Variants in WASHC2C observed in about 807,000 individuals in gnomAD.
WASHC2C encodes the protein WASH complex subunit 2C.
WASHC2C carries 73 observed loss-of-function variants against 142.2 expected under a neutral mutation model. The ratio of observed to expected loss-of-function variants is 0.51; its 90% CI spans 0.43 to 0.62. The LOEUF is 0.62. Ranked by LOEUF, WASHC2C falls within the 20% of genes least tolerant of loss-of-function variation. WASHC2C has a pLI of 0.00. For missense variants in WASHC2C, 969 were observed against 1,531.7 expected (o/e 0.63, Z 6.13); for synonymous variants, 337 against 565.5 (o/e 0.60, Z 5.73).
chr10:45,764,707 G>A (rs1256347103), intron 18 of WASHC2C, among the ~76,000 whole-genome samples: 2 of 152,222 alleles, frequency 1.3e-5, no homozygotes, highest in Non-Finnish European at 2.9e-5. Context: ...AGGAACCTGG[G>A]GCAAGTAACT....
chr10:45,762,204 T>C (rs1375072199), intron 17 of WASHC2C, among the ~76,000 whole-genome samples: 327 of 151,676 alleles, frequency 2.2e-3, no homozygotes, highest in African/African-American at 7.6e-3. Flanking sequence ...GAAAATTTCT[T>C]GATTTTTATA....
At chr10:45,771,534 C>G (rs1328039221) in intron 20 of WASHC2C, 1 of 982,726 alleles carries the variant, frequency 1.0e-6, no homozygotes, top group Non-Finnish European at 1.2e-6. Context: ...CCACTACCCC[C>G]ACCCCACACA....
chr10:45,735,880 G>T (rs1339077712), intron 3 of WASHC2C, among the ~76,000 whole-genome samples: 1 of 152,140 alleles, frequency 6.6e-6, no homozygotes, highest in Non-Finnish European at 1.5e-5. Flanking sequence ...ACGCATTTGT[G>T]CATAGAATCT....
At position 45,784,880 on chromosome 10, in the gene WASHC2C, C is replaced by T. The variant is rs782611170; in HGVS notation, c.2667C>T (p.Ser889=). The T allele has an allele frequency of 1.2e-5, 19 of 1,609,172 alleles. No individual in the cohort carries two copies. Among genetic ancestry groups the T allele is most frequent in the Non-Finnish European group, 1.6e-5 (19 of 1,178,032 alleles). ...FGDDEDDDLF[S]SAKSQPLVQE... is the part of the protein sequence containing the mutation. ...ATGATGAAGATGATGATCTTTTCAG[C>T]TCTGCCAAGTCCCAGCCTTTGGTAC... is the stretch of plus-strand genomic sequence containing the variant. The change falls in exon 25 of 31, where the codon AGC becomes AGT. Residue 889 remains serine (S), a synonymous_variant. Transcript: ENST00000623400.
intron 11 of WASHC2C, among the ~76,000 whole-genome samples, chr10:45,751,787 C>A (rs1300372591): frequency 1.3e-5 from 2 of 152,018 alleles, no homozygotes; most frequent in African/African-American, 4.8e-5. Flanking sequence ...ACCAGCCTGG[C>A]CAACATAGTG....
At chr10:45,762,271 G>A (rs1398885877) in intron 17 of WASHC2C, among the ~76,000 whole-genome samples, 4 of 152,166 alleles carry the variant, frequency 2.6e-5, no homozygotes, top group Middle Eastern at 3.2e-3. Flanking sequence ...GGAGTGCAAT[G>A]GTGGGATCTT....
At chr10:45,757,762 G>A (rs1484078392) in intron 16 of WASHC2C, among the ~76,000 whole-genome samples, 3 of 152,074 alleles carry the variant, frequency 2.0e-5, no homozygotes, top group South Asian at 2.1e-4. Context: ...TAGATCCCTC[G>A]CATGCACAGT....
chr10:45,761,761 T>G (rs1433550692), intron 17 of WASHC2C, among the ~76,000 whole-genome samples: 5 of 152,236 alleles, frequency 3.3e-5, no homozygotes, highest in Non-Finnish European at 7.3e-5. Context: ...GAAACTGTGA[T>G]GTTGACATTT....
intron 2 of WASHC2C, among the ~76,000 whole-genome samples, chr10:45,727,809 A>G (rs2050065280): frequency 6.6e-6 from 1 of 151,972 alleles, no homozygotes; most frequent in Non-Finnish European, 1.5e-5. Flanking sequence ...TTTCCGCCAC[A>G]CTGAGGGATT....
At chr10:45,775,840 G>A (rs199933630) in intron 21 of WASHC2C, among the ~76,000 whole-genome samples, 5,494 of 148,568 alleles carry the variant, frequency 0.037, 14 homozygotes, top group African/African-American at 0.055. Context: ...CACCATGCCC[G>A]ACTAATTTTT....
chr10:45,731,961 A>AT (rs1196845220), intron 3 of WASHC2C, among the ~76,000 whole-genome samples: 4 of 151,198 alleles, frequency 2.6e-5, no homozygotes, highest in Non-Finnish European at 4.4e-5. Context: ...CACCTGGCTA[A>AT]TTTTTTTTGC....
rs1490468438 is a variant in WASHC2C, at chr10:45,773,467, T to G, written c.2142+109T>G. On this transcript the variant is annotated intron_variant, in intron 21 of 30. Coordinates refer to ENST00000623400, the MANE Select transcript of WASHC2C (RefSeq NM_001330074.2). ...ACCTAACCTTGGAGGCTGAGTCTTATGGAAGACCTTATTTGCCTGGTTTCA... is the reference window on the plus strand; with the variant it reads ...ACCTAACCTTGGAGGCTGAGTCTTAGGGAAGACCTTATTTGCCTGGTTTCA... 18 of 653,678 alleles carry G rather than the reference T, an allele frequency of 2.8e-5. No homozygotes were observed. The East Asian group carries it at 4.8e-4, about 17-fold the overall frequency. 40.5% of individuals were successfully genotyped at this position (653,678 alleles called of 1,614,324 possible). A position where few individuals can be genotyped will look rare whatever the true frequency, so the allele number is the denominator to read the frequency against.
At chr10:45,788,750 A>G (rs1373675092) in intron 28 of WASHC2C, 121 bp from the exon 29 acceptor site, 3 of 1,502,198 alleles carry the variant, frequency 2.0e-6, no homozygotes, top group Non-Finnish European at 2.7e-6. Context: ...TTCTTAGATA[A>G]TATCTTCATT....
At chr10:45,750,981 C>T (rs192031286) in intron 10 of WASHC2C, 143 bp downstream of exon 10, 26,495 of 934,864 alleles carry the variant, frequency 0.028, 514 homozygotes, top group East Asian at 0.085. Context: ...TAAATTGTAG[C>T]GCTTATTCCT....
At chr10:45,775,680 A>ATT (rs569006368) in intron 21 of WASHC2C, among the ~76,000 whole-genome samples, 2,519 of 132,832 alleles carry the variant, frequency 0.019, 17 homozygotes, top group African/African-American at 0.03. Context: ...TTTGCATTGA[A>ATT]TTTTTTTTTT....
At chr10:45,751,100 G>A (rs1479471418) in intron 10 of WASHC2C, among the ~76,000 whole-genome samples, 21 of 152,056 alleles carry the variant, frequency 1.4e-4, no homozygotes, top group Non-Finnish European at 2.9e-4. Context: ...GGGATTAATG[G>A]AAACTCCAGA....
chr10:45,749,837 AT>A (rs200575205), intron 8 of WASHC2C, among the ~76,000 whole-genome samples: 735 of 66,480 alleles, frequency 0.011, 11 homozygotes, highest in Non-Finnish European at 9.8e-3. Context: ...AAAAAAAAAA[AT>A]ATATATATAT....
chr10:45,785,487 T>C (rs1438531552), intron 25 of WASHC2C, 22 bp from the exon 26 acceptor site: 1 of 1,612,192 alleles, frequency 6.2e-7, no homozygotes, highest in Non-Finnish European at 8.5e-7. Flanking sequence ...GATGCCTTTT[T>C]GGTATTTTTT....
intron 9 of WASHC2C, 36 bp downstream of exon 9, chr10:45,750,242 T>G (rs200911133): frequency 0.014 from 23,042 of 1,598,664 alleles, 238 homozygotes; most frequent in Non-Finnish European, 0.017. Context: ...CTTGGCAGAG[T>G]TTTAGAACCA....
Sources: gnomAD v4.1 joint callset for allele counts (sites outside exome capture counted in the v4.1 genomes callset) on GRCh38, gnomAD v4.1.1 for gene constraint, MANE v1.5 for transcripts, NCBI Gene and HGNC (gene_info 2026-07-23, HGNC 2026-07-21) for gene names.